Variants in COPS5 observed in about 807,000 individuals in gnomAD.
COPS5 encodes the protein COP9 signalosome complex subunit 5.
Under a neutral mutation model 44.4 loss-of-function variants are expected in COPS5, and 8 were observed. The observed-to-expected ratio is 0.18, with a 90% confidence interval of 0.11 to 0.32. The LOEUF (loss-of-function observed/expected upper bound fraction) is 0.32. Among genes scored for constraint, COPS5 ranks in the 10% least tolerant of loss-of-function variants. The pLI is 1.00. For synonymous variants in COPS5, 122 were observed against 142.8 expected (o/e 0.85, Z 1.04); for missense variants, 159 against 406.4 (o/e 0.39, Z 5.23).
intron 1 of COPS5, 83 bp from the exon 2 acceptor site, chr8:67,059,528 T>C (rs1585717056): frequency 2.0e-6 from 2 of 999,286 alleles, no homozygotes; most frequent in Admixed American, 2.0e-5. Context: ...AAAGAGTAAG[T>C]ATTGAAGGAA....
chr8:67,059,198 A>G lies in COPS5; in HGVS notation c.378+13T>C, dbSNP rs745514778. On this transcript the variant is annotated intron_variant, in intron 2 of 7. Coordinates refer to ENST00000357849, the MANE Select transcript of COPS5 (RefSeq NM_006837.3). ...ACTTGCAATTACTAAACTATAAGAA[A>G]CAACATTTTTACCTGTTTTGCATTT... The G allele has an allele frequency of 1.9e-6, 3 of 1,601,454 alleles. No homozygotes were observed. The highest frequency in any genetic ancestry group is 2.6e-6 in the Non-Finnish European group (3 of 1,168,904).
At position 67,057,493 on chromosome 8, in the gene COPS5, TTTTA is replaced by T. The variant is rs561076482; in HGVS notation, c.508-52_508-49del. ...ATCTGCTGATATAAAACTGTATGCC[TTTTA>T]TTTAAACATTATAAACCTAGAAATG... is the stretch of plus-strand genomic sequence containing the variant. On this transcript the variant is annotated intron_variant, in intron 3 of 7. Transcript: ENST00000357849. 6.4e-4 allele frequency: 827 copies of T among 1,295,230 alleles called. 8 individuals are homozygous for T. The African/African-American group carries it at 0.011, about 17-fold the overall frequency. 80.2% of individuals were successfully genotyped at this position (1,295,230 alleles called of 1,614,324 possible).
intron 6 of COPS5, 33 bp downstream of exon 6, chr8:67,051,196 AT>A: frequency 7.7e-7 from 1 of 1,291,274 alleles, no homozygotes; most frequent in Admixed American, 1.7e-5. Flanking sequence ...CTTAGATAAA[AT>A]TCAAATGCAT....
chr8:67,061,662 G>T (rs1462736465), intron 1 of COPS5, 192 bp downstream of exon 1: 5 of 604,946 alleles, frequency 8.3e-6, no homozygotes, highest in Non-Finnish European at 1.5e-5. Flanking sequence ...GGGGGCAAAT[G>T]GATTAAAGCG....
At chr8:67,059,756 T>C in intron 1 of COPS5, 1 of 300,138 alleles carries the variant, frequency 3.3e-6, no homozygotes, top group South Asian at 3.7e-5. Flanking sequence ...TCACCCAATC[T>C]TGGATTCTGA....
intron 7 of COPS5, chr8:67,045,288 C>A (rs942703334): frequency 6.6e-6 from 1 of 152,334 alleles, no homozygotes; most frequent in African/African-American, 2.4e-5. Flanking sequence ...CCCATCTCTA[C>A]AAAAAATACA....
At position 67,059,271 on chromosome 8, in the gene COPS5, T is replaced by G; in HGVS notation, c.318A>C (p.Arg106=). The change falls in exon 2 of 8, where the codon CGA becomes CGC. Residue 106 remains arginine (R), a synonymous_variant. Transcript: ENST00000357849. ...FALPVEGTET[R]VNAQAAAYEY... is the part of the protein sequence containing the mutation. ...CATATGCAGCAGCCTGAGCATTTACTCGGGTTTCAGTGCCCTCCACAGGCA... is the reference window on the plus strand; with the variant it reads ...CATATGCAGCAGCCTGAGCATTTACGCGGGTTTCAGTGCCCTCCACAGGCA... 6.2e-7 allele frequency: 1 copy of G among 1,614,226 alleles called. No homozygotes were observed. Among genetic ancestry groups the G allele is most frequent in the South Asian group, 1.1e-5 (1 of 91,088 alleles).
chr8:67,047,903 A>C, intron 6 of COPS5: 1 of 702,576 alleles, frequency 1.4e-6, no homozygotes, highest in Non-Finnish European at 2.6e-6. Flanking sequence ...TTTCTGGCAC[A>C]TAGGAAGCAT....
Position 67,050,614 on chromosome 8 carries a change from A to T in COPS5, c.771+616T>A, listed in dbSNP as rs199916406. On this transcript the variant is annotated intron_variant, in intron 6 of 7. Coordinates refer to ENST00000357849, the MANE Select transcript of COPS5 (RefSeq NM_006837.3). ...TGACCTGGAAATATGTGAGTGTGAG[A>T]GTGTGTGTGTGTGTGTGTGTGTGTG... Among the ~76,000 whole-genome samples the T allele has an allele frequency of 8.1e-4, 114 of 141,134 alleles. 1 individual carries two copies. Among genetic ancestry groups the T allele is most frequent in the African/African-American group, 2.6e-3 (100 of 38,222 alleles). The allele number at this position is 141,134 out of a possible 152,430, so 92.6% of individuals were successfully genotyped here.
intron 5 of COPS5, among the ~76,000 whole-genome samples, chr8:67,053,426 C>T (rs928437764): frequency 2.5e-4 from 38 of 151,386 alleles, no homozygotes; most frequent in Non-Finnish European, 5.0e-4. Flanking sequence ...TCATGCTGGG[C>T]GTGTTGGCTC....
At chr8:67,052,774 C>T (rs1446206248) in intron 5 of COPS5, among the ~76,000 whole-genome samples, 13 of 146,880 alleles carry the variant, frequency 8.9e-5, no homozygotes, top group African/African-American at 2.0e-4. Flanking sequence ...GAGCCGAGAT[C>T]GCGCCACTGC....
At position 67,043,191 on chromosome 8, in the gene COPS5, T is replaced by C; in HGVS notation, c.*42A>G. 2 of 1,169,848 alleles carry C rather than the reference T, an allele frequency of 1.7e-6. No individual in the cohort carries two copies. Among genetic ancestry groups the C allele is most frequent in the Non-Finnish European group, 2.5e-6 (2 of 793,256 alleles). 72.5% of individuals were successfully genotyped at this position (1,169,848 alleles called of 1,614,324 possible). A position where few individuals can be genotyped will look rare whatever the true frequency, so the allele number is the denominator to read the frequency against. ...GTTTTAAAGTGTTACTTGAATATTT[T>C]TCTCATACTGTCTTTCAGGTAAAGT... is the stretch of plus-strand genomic sequence containing the variant. On this transcript the variant is annotated 3_prime_UTR_variant, in exon 8 of 8. Coordinates refer to ENST00000357849, the MANE Select transcript of COPS5 (RefSeq NM_006837.3).
chr8:67,047,510 G>T (rs984840176), intron 6 of COPS5, among the ~76,000 whole-genome samples: 1 of 152,138 alleles, frequency 6.6e-6, no homozygotes, highest in African/African-American at 2.4e-5. Flanking sequence ...TTTCAAATGT[G>T]CAGAAAATGA....
intron 7 of COPS5, chr8:67,043,997 A>C (rs1306783140): frequency 1.3e-5 from 2 of 152,330 alleles, no homozygotes; most frequent in Admixed American, 1.3e-4. Context: ...CAGATGAACA[A>C]AACACACACT....
intron 5 of COPS5, among the ~76,000 whole-genome samples, chr8:67,051,872 T>C (rs964479055): frequency 7.9e-5 from 12 of 152,160 alleles, no homozygotes; most frequent in African/African-American, 2.9e-4. Flanking sequence ...CATCAGGGCA[T>C]AGTAAGGAAA....
Position 67,059,170 on chromosome 8 carries a change from C to CT in COPS5, c.378+40dup, listed in dbSNP as rs758988899. 6.2e-6 allele frequency: 9 copies of CT among 1,461,960 alleles called. No individual in the cohort carries two copies. The African/African-American group carries it at 9.8e-5, about 16-fold the overall frequency. The allele number at this position is 1,461,960 out of a possible 1,614,324, so 90.6% of individuals were successfully genotyped here. On this transcript the variant is annotated intron_variant, in intron 2 of 7. Transcript: ENST00000357849. ...GAAACTCAAAAGTCACCTTGAGACTCTAACTTGCAATTACTAAACTATAAG... is the reference window on the plus strand; with the variant it reads ...GAAACTCAAAAGTCACCTTGAGACTCTTAACTTGCAATTACTAAACTATAAG...
chr8:67,060,187 G>T, intron 1 of COPS5: 1 of 276,380 alleles, frequency 3.6e-6, no homozygotes, highest in Non-Finnish European at 6.1e-6. Context: ...GGTCATCAGT[G>T]AATTAAACTC....
chr8:67,043,098 AT>A lies in COPS5; in HGVS notation c.*134del. 1.9e-6 allele frequency: 1 copy of A among 521,292 alleles called. No homozygotes were observed. The highest frequency in any genetic ancestry group is 3.4e-6 in the Non-Finnish European group (1 of 291,106). The allele number at this position is 521,292 out of a possible 1,614,324, so 32.3% of individuals were successfully genotyped here. On this transcript the variant is annotated 3_prime_UTR_variant, in exon 8 of 8. Coordinates refer to ENST00000357849, the MANE Select transcript of COPS5 (RefSeq NM_006837.3). The stretch of plus-strand genomic sequence containing the variant: ...GGACAATTTCATTTTAAAGAGCTTT[AT>A]TACAGGATATTAATATTTAGGACAC...
intron 2 of COPS5, among the ~76,000 whole-genome samples, chr8:67,059,004 GAA>G (rs575915856): frequency 7.7e-6 from 1 of 129,146 alleles, no homozygotes; most frequent in Admixed American, 8.2e-5. Context: ...TCCCTGTCTC[GAA>G]AAAAAAAAAA....
Sources: gnomAD v4.1 joint callset for allele counts (sites outside exome capture counted in the v4.1 genomes callset) on GRCh38, gnomAD v4.1.1 for gene constraint, MANE v1.5 for transcripts, NCBI Gene and HGNC (gene_info 2026-07-23, HGNC 2026-07-21) for gene names.